Variants in PCAT7 observed in about 807,000 individuals in gnomAD.
The protein encoded by PCAT7 is prostate cancer associated transcript 7 (non-protein coding).
chr9:94,564,064 C>G (rs1336594075), intron 2 of PCAT7, among the ~76,000 whole-genome samples: 1 of 152,156 alleles, frequency 6.6e-6, no homozygotes, highest in Non-Finnish European at 1.5e-5. Context: ...ACCTCACTGA[C>G]AGTAATCACT....
intron 1 of PCAT7, among the ~76,000 whole-genome samples, chr9:94,556,171 GAGC>G (rs1378797036): frequency 2.0e-5 from 3 of 151,450 alleles, no homozygotes; most frequent in African/African-American, 7.3e-5. Flanking sequence ...AGAGGGTGGT[GAGC>G]AGCAGTAGGG....
chr9:94,565,789 T>TA (rs1412032577), intron 2 of PCAT7, among the ~76,000 whole-genome samples: 153 of 146,790 alleles, frequency 1.0e-3, no homozygotes, highest in African/African-American at 3.7e-3. Context: ...GATAGATAGA[T>TA]GATAGATAGG....
chr9:94,567,633 G>T, intron 2 of PCAT7: 1 of 499,850 alleles, frequency 2.0e-6, no homozygotes, highest in South Asian at 3.6e-5. Flanking sequence ...CAAGCAGGAA[G>T]ACAATTCTAA....
At chr9:94,561,220 C>T (rs1352523292) in intron 2 of PCAT7, among the ~76,000 whole-genome samples, 1 of 152,146 alleles carries the variant, frequency 6.6e-6, no homozygotes, top group Non-Finnish European at 1.5e-5. Context: ...AGCATTAGTA[C>T]CTAATGCGCT....
At chr9:94,564,416 C>T (rs190615288) in intron 2 of PCAT7, among the ~76,000 whole-genome samples, 7 of 152,268 alleles carry the variant, frequency 4.6e-5, no homozygotes, top group African/African-American at 1.7e-4. Context: ...AACCTAAATG[C>T]CCATCAGTGG....
chr9:94,562,383 G>A (rs375508648), intron 2 of PCAT7, among the ~76,000 whole-genome samples: 1 of 151,182 alleles, frequency 6.6e-6, no homozygotes, highest in African/African-American at 2.4e-5. Context: ...CCTCCATGGT[G>A]CTTAGCTTTC....
At chr9:94,562,883 T>G (rs995771561) in intron 2 of PCAT7, among the ~76,000 whole-genome samples, 1 of 152,226 alleles carries the variant, frequency 6.6e-6, no homozygotes, top group African/African-American at 2.4e-5. Flanking sequence ...TAGGGGATAC[T>G]TGGGCGGACT....
chr9:94,559,681 C>G (rs907319461), intron 2 of PCAT7, among the ~76,000 whole-genome samples: 1 of 151,988 alleles, frequency 6.6e-6, no homozygotes. Flanking sequence ...GTCTTTTGAC[C>G]CTTAGACTAA....
intron 1 of PCAT7, among the ~76,000 whole-genome samples, chr9:94,556,940 C>G (rs1030834318): frequency 1.6e-4 from 24 of 152,218 alleles, no homozygotes; most frequent in Middle Eastern, 3.4e-3. Context: ...AAGAGATTGT[C>G]CTTCCCGAAT....
At chr9:94,554,674 G>C (rs1801010366), upstream of PCAT7, among the ~76,000 whole-genome samples, 1 of 152,206 alleles carries the variant, frequency 6.6e-6, no homozygotes, top group Non-Finnish European at 1.5e-5. Context: ...AGCACGCGGC[G>C]GTGCCTCTTC....
intron 1 of PCAT7, among the ~76,000 whole-genome samples, chr9:94,557,797 T>C (rs1336925300): frequency 6.6e-6 from 1 of 152,244 alleles, no homozygotes; most frequent in East Asian, 1.9e-4. Flanking sequence ...TTTGTCAATC[T>C]TTCATGAATG....
intron 2 of PCAT7, among the ~76,000 whole-genome samples, chr9:94,561,607 C>G (rs1349141221): frequency 1.3e-5 from 2 of 152,036 alleles, no homozygotes; most frequent in South Asian, 4.1e-4. Flanking sequence ...CCTCGTGATC[C>G]ACCCGCCTTG....
At chr9:94,561,244 A>G (rs1399698978) in intron 2 of PCAT7, among the ~76,000 whole-genome samples, 2 of 152,048 alleles carry the variant, frequency 1.3e-5, no homozygotes, top group Non-Finnish European at 2.9e-5. Flanking sequence ...CTTGGAGCCA[A>G]GTTACTTTTG....
At chr9:94,568,017 A>C (rs1827217658) in intron 2 of PCAT7, 1 of 151,762 alleles carries the variant, frequency 6.6e-6, no homozygotes, top group African/African-American at 2.4e-5. Context: ...AGTCCCAGCT[A>C]CTCGGGGGGC....
intron 2 of PCAT7, among the ~76,000 whole-genome samples, chr9:94,565,309 A>C (rs2131444321): frequency 7.0e-6 from 1 of 142,708 alleles, no homozygotes; most frequent in Non-Finnish European, 1.5e-5. Flanking sequence ...AGGGAGGCGG[A>C]GGTTGCAGTG....
chr9:94,571,627 A>G lies in PCAT7; in HGVS notation n.442-1352A>G, dbSNP rs780495699. 3.8e-6 allele frequency: 6 copies of G among 1,599,300 alleles called. No individual in the cohort carries two copies. The Admixed American group carries it at 1.0e-4, about 27-fold the overall frequency. ...TCTGTGGAAGAGAGGGATAAATGCC[A>G]TGTGTTATTGTTGTCTCTGGAGAGA... On this transcript the variant is annotated intron_variant and non_coding_transcript_variant, in intron 2 of 8. Transcript: ENST00000647389.
intron 2 of PCAT7, among the ~76,000 whole-genome samples, chr9:94,565,384 A>AG: frequency 6.9e-6 from 1 of 145,294 alleles, no homozygotes; most frequent in African/African-American, 2.7e-5. Flanking sequence ...AAAAAAAAAA[A>AG]AAGATGTTCC....
intron 2 of PCAT7, among the ~76,000 whole-genome samples, chr9:94,561,017 C>T (rs565311927): frequency 1.3e-5 from 2 of 152,148 alleles, no homozygotes; most frequent in South Asian, 4.1e-4. Context: ...TTCTGTCCCT[C>T]ATTACCCACA....
intron 1 of PCAT7, among the ~76,000 whole-genome samples, chr9:94,555,729 C>T (rs530119525): frequency 2.7e-5 from 4 of 149,014 alleles, no homozygotes; most frequent in South Asian, 2.1e-4. Context: ...CAAGGTTTTG[C>T]GAAAAAACAG....
Sources: allele counts gnomAD v4.1 joint callset (sites outside exome capture counted in the v4.1 genomes callset), GRCh38; gene constraint gnomAD v4.1.1; transcripts MANE v1.5; gene names NCBI Gene and HGNC (gene_info 2026-07-23, HGNC 2026-07-21).